Variants in PLA2G4C observed in about 807,000 individuals in gnomAD.
The protein encoded by PLA2G4C is phospholipase A2 group IVC.
Under a neutral mutation model 73.8 loss-of-function variants are expected in PLA2G4C, and 64 were observed. The observed-to-expected ratio is 0.87, with a 90% CI of 0.71 to 1.07. The LOEUF is 1.07. PLA2G4C is among the 50% of genes least tolerant of loss of function. The pLI, the probability that PLA2G4C is intolerant of heterozygous loss-of-function variation, is 0.00. For missense variants in PLA2G4C, 622 were observed against 665.4 expected (o/e 0.93, Z 0.72); for synonymous variants, 254 against 252.1 (o/e 1.01, Z -0.07).
Position 48,079,068 on chromosome 19 carries a change from A to T in PLA2G4C, c.845-1244T>A, listed in dbSNP as rs143846171. On this transcript the variant is annotated intron_variant, in intron 10 of 16. Transcript: ENST00000599921. ...TTTGTAGTAGAGATGGGGTTTCGCCATGTTGGCCAGGCTGGTCTCAAACTC... is the reference window on the plus strand; with the variant it reads ...TTTGTAGTAGAGATGGGGTTTCGCCTTGTTGGCCAGGCTGGTCTCAAACTC... Among the ~76,000 whole-genome samples, 56 of 152,188 alleles carry T rather than the reference A, an allele frequency of 3.7e-4. 1 individual carries two copies. The East Asian group carries it at 0.011, about 29-fold the overall frequency.
rs1481954122 is a variant in PLA2G4C at position 48,053,049 on chromosome 19, T to A, written c.1528A>T (p.Asn510Tyr). 2.5e-6 allele frequency: 4 copies of A among 1,613,670 alleles called. No individual in the cohort carries two copies. Among genetic ancestry groups the A allele is most frequent in the Non-Finnish European group, 3.4e-6 (4 of 1,179,662 alleles). ...ATCTTCTTCTTGTTTTCCCTGACAT[T>A]CTTCTTGGCTAATGCCAAGAGTAGC... ...VVLLLALAKK[N>Y]VRENKKKILR... is the part of the protein sequence containing the mutation. Residue 510 changes from asparagine to tyrosine, a missense_variant, in exon 16 of 17, where the codon AAT (asparagine) becomes TAT (tyrosine). Transcript: ENST00000599921.
chr19:48,090,539 T>A (rs448738), intron 7 of PLA2G4C, 122 bp from the exon 8 acceptor site: 35,464 of 743,068 alleles, frequency 0.048, 2,317 homozygotes, highest in African/African-American at 0.25. Flanking sequence ...AAGAAAGATC[T>A]TTCTTCCATT....
At chr19:48,095,957 TAATGCA>T (rs947527506) in intron 6 of PLA2G4C, among the ~76,000 whole-genome samples, 105 of 152,272 alleles carry the variant, frequency 6.9e-4, no homozygotes, top group African/African-American at 2.4e-3. Context: ...GGCATAAATC[TAATGCA>T]TGATTCCAAT....
intron 5 of PLA2G4C, 111 bp from the exon 6 acceptor site, chr19:48,098,370 G>T: frequency 1.0e-6 from 1 of 997,620 alleles, no homozygotes; most frequent in Non-Finnish European, 1.4e-6. Flanking sequence ...CTGTCACCCA[G>T]GCTGGAGTGC....
chr19:48,110,298 A>T (rs1438369085), intron 1 of PLA2G4C, among the ~76,000 whole-genome samples, 189 bp downstream of exon 1: 1 of 151,972 alleles, frequency 6.6e-6, no homozygotes, highest in Non-Finnish European at 1.5e-5. Context: ...GTGAGCCGAG[A>T]TCGCGTCACT....
intron 10 of PLA2G4C, among the ~76,000 whole-genome samples, chr19:48,079,180 T>C (rs2030376760): frequency 6.6e-6 from 1 of 151,966 alleles, no homozygotes; most frequent in Admixed American, 6.6e-5. Context: ...AATCCCAAAA[T>C]CCATATGAAC....
chr19:48,060,137 G>A (rs902848672), intron 14 of PLA2G4C, among the ~76,000 whole-genome samples: 3 of 151,956 alleles, frequency 2.0e-5, no homozygotes, highest in South Asian at 2.1e-4. Flanking sequence ...TCCTCAGCTC[G>A]CAGACGGCCT....
Position 48,055,050 on chromosome 19 carries a change from C to G in PLA2G4C, c.1258-1G>C. The stretch of plus-strand genomic sequence containing the variant: ...AGTAGTCAGTGGTAGCCCGGATGGT[C>G]TGAGAAGGAGGCAATAAGAAATGGT... On this transcript the variant is annotated splice_acceptor_variant, in intron 14 of 16. Transcript: ENST00000599921. LOFTEE classifies it high-confidence loss of function. The G allele has an allele frequency of 6.3e-7, 1 of 1,599,536 alleles. No homozygotes were observed. Among genetic ancestry groups the G allele is most frequent in the Non-Finnish European group, 8.5e-7 (1 of 1,173,646 alleles).
chr19:48,106,019 C>CA (rs2032221670), intron 2 of PLA2G4C, among the ~76,000 whole-genome samples: 1 of 135,028 alleles, frequency 7.4e-6, no homozygotes, highest in Admixed American at 8.0e-5. Flanking sequence ...TTTTTTGAGA[C>CA]AGAGTCTCGC....
rs1047479575 is a variant in PLA2G4C at position 48,057,885 on chromosome 19, G to C, written c.1258-2836C>G. ...GGATCTTGCTGTGTCGCCCAGGCTG[G>C]AGTGCAGTGGTGCAATCATGGCTCA... On this transcript the variant is annotated intron_variant, in intron 14 of 16. Coordinates refer to ENST00000599921, the MANE Select transcript of PLA2G4C (RefSeq NM_003706.3). 1.4e-4 allele frequency among the ~76,000 whole-genome samples: 22 copies of C among 151,896 alleles called. 1 individual carries two copies. Among genetic ancestry groups the C allele is most frequent in the African/African-American group, 5.1e-4 (21 of 41,382 alleles).
At chr19:48,105,983 T>C (rs2032215922) in intron 2 of PLA2G4C, among the ~76,000 whole-genome samples, 1 of 112,830 alleles carries the variant, frequency 8.9e-6, no homozygotes, top group South Asian at 3.2e-4. Context: ...TCTTTCTTTC[T>C]TTCTTTCTTT....
chr19:48,082,145 C>T (rs34670495), intron 10 of PLA2G4C, among the ~76,000 whole-genome samples: 1,640 of 151,990 alleles, frequency 0.011, 38 homozygotes, highest in African/African-American at 0.037. Context: ...GATGGGTGGA[C>T]TACAGTCTCA....
chr19:48,057,575 C>G (rs1310487924), intron 14 of PLA2G4C, among the ~76,000 whole-genome samples: 16 of 137,362 alleles, frequency 1.2e-4, no homozygotes, highest in African/African-American at 3.8e-4. Flanking sequence ...TTGCAACCTC[C>G]GCCTCCCAGA....
chr19:48,110,531 T>TGCTCCGGAATCCGGTGCGGCGGCTTGG lies in PLA2G4C; in HGVS notation c.-78_-77insCCAAGCCGCCGCACCGGATTCCGGAGC. 7.2e-7 allele frequency: 1 copy of TGCTCCGGAATCCGGTGCGGCGGCTTGG among 1,386,156 alleles called. No individual in the cohort carries two copies. The highest frequency in any genetic ancestry group is 9.5e-7 in the Non-Finnish European group (1 of 1,049,480). The allele number at this position is 1,386,156 out of a possible 1,614,324, so 85.9% of individuals were successfully genotyped here. On this transcript the variant is annotated 5_prime_UTR_variant, in exon 1 of 17. Coordinates refer to ENST00000599921, the MANE Select transcript of PLA2G4C (RefSeq NM_003706.3). ...GTGTGCGCATGCGCGGTGGAGCTTG[T>TGCTCCGGAATCCGGTGCGGCGGCTTGG]GCTCCGGAATCCGGTGCGGAGGCTT...
chr19:48,099,591 G>T (rs1752800814), intron 5 of PLA2G4C, 80 bp downstream of exon 5: 2 of 1,001,160 alleles, frequency 2.0e-6, no homozygotes, highest in Admixed American at 2.3e-5. Flanking sequence ...GGTGGTGCTG[G>T]TCAGCATCTT....
intron 13 of PLA2G4C, among the ~76,000 whole-genome samples, chr19:48,067,321 C>T: frequency 6.6e-6 from 1 of 151,992 alleles, no homozygotes; most frequent in East Asian, 1.9e-4. Flanking sequence ...GCACCCGCCA[C>T]CCTGTCCGGC....
intron 1 of PLA2G4C, among the ~76,000 whole-genome samples, chr19:48,109,190 C>A (rs1204336124): frequency 7.1e-6 from 1 of 140,546 alleles, no homozygotes; most frequent in Non-Finnish European, 1.5e-5. Context: ...AATCAGCTTC[C>A]CCCCACCACC....
At chr19:48,105,101 A>AG (rs1261548044) in intron 3 of PLA2G4C, among the ~76,000 whole-genome samples, 244 of 144,084 alleles carry the variant, frequency 1.7e-3, no homozygotes, top group Non-Finnish European at 2.5e-3. Flanking sequence ...AAAAAAAAAA[A>AG]AAAGAAAGAA....
At chr19:48,091,424 G>C (rs1326834095) in intron 7 of PLA2G4C, among the ~76,000 whole-genome samples, 4 of 152,066 alleles carry the variant, frequency 2.6e-5, no homozygotes, top group East Asian at 3.9e-4. Flanking sequence ...TTGACCTCAA[G>C]TGATCTGCCC....
Sources: allele counts gnomAD v4.1 joint callset (sites outside exome capture counted in the v4.1 genomes callset), GRCh38; gene constraint gnomAD v4.1.1; transcripts MANE v1.5; gene names NCBI Gene and HGNC (gene_info 2026-07-23, HGNC 2026-07-21).